Variants in ADAMTSL1 observed in about 807,000 individuals in gnomAD.
ADAMTSL1 encodes ADAMTS like 1.
In ADAMTSL1, 126 loss-of-function variants were observed where a neutral mutation model predicts 201.8. The ratio of observed to expected loss-of-function variants is 0.62; its 90% CI spans 0.54 to 0.72. ADAMTSL1 has a LOEUF of 0.72. ADAMTSL1 is among the 30% of genes least tolerant of loss of function. The pLI, the probability that ADAMTSL1 is intolerant of heterozygous loss-of-function variation, is 0.00. For synonymous variants in ADAMTSL1, 1,121 were observed against 903.4 expected, an observed-to-expected ratio of 1.24 and a Z score of -4.32; for missense variants, 2,679 against 2,277.8, an observed-to-expected ratio of 1.18 and a Z score of -3.59.
intron 3 of ADAMTSL1, among the ~76,000 whole-genome samples, chr9:18,554,480 T>A (rs1820987688): frequency 6.6e-6 from 1 of 151,790 alleles, no homozygotes; most frequent in South Asian, 2.1e-4. Flanking sequence ...GATGTTGGCA[T>A]AGGGTGACCC....
At chr9:18,131,329 G>A (rs1038258630) in intron 1 of ADAMTSL1, among the ~76,000 whole-genome samples, 1 of 152,144 alleles carries the variant, frequency 6.6e-6, no homozygotes, top group Non-Finnish European at 1.5e-5. Context: ...TAGGAAATTT[G>A]TCTTCAAATA....
intron 2 of ADAMTSL1, among the ~76,000 whole-genome samples, chr9:18,225,470 T>C (rs565493877): frequency 6.6e-6 from 1 of 152,314 alleles, no homozygotes; most frequent in East Asian, 1.9e-4. Context: ...AACTTGGTGT[T>C]TCCAAAAAGT....
chr9:18,184,896 C>G (rs752360718), intron 2 of ADAMTSL1, among the ~76,000 whole-genome samples: 11 of 152,272 alleles, frequency 7.2e-5, no homozygotes, highest in Admixed American at 4.6e-4. Flanking sequence ...AACTAACTCA[C>G]GAAAGGCCCT....
intron 2 of ADAMTSL1, among the ~76,000 whole-genome samples, chr9:18,237,834 T>C (rs1177320198): frequency 6.6e-6 from 1 of 152,254 alleles, no homozygotes; most frequent in African/African-American, 2.4e-5. Context: ...CTGTATTTGA[T>C]GCATCCTGTG....
chr9:18,170,946 T>C (rs1274930133), intron 2 of ADAMTSL1, among the ~76,000 whole-genome samples: 1 of 152,106 alleles, frequency 6.6e-6, no homozygotes, highest in East Asian at 1.9e-4. Context: ...CAGGATAGAA[T>C]TATAAATCCT....
At chr9:18,789,685 C>T (rs906973220) in intron 19 of ADAMTSL1, among the ~76,000 whole-genome samples, 2 of 151,848 alleles carry the variant, frequency 1.3e-5, no homozygotes, top group Non-Finnish European at 2.9e-5. Flanking sequence ...GATCAGGAAA[C>T]AGACAGATTC....
chr9:18,494,331 G>T (rs1822416653), intron 1 of ADAMTSL1, among the ~76,000 whole-genome samples: 1 of 151,472 alleles, frequency 6.6e-6, no homozygotes, highest in Non-Finnish European at 1.5e-5. Context: ...ACTCCAGTCT[G>T]GGTGACAGAC....
At chr9:17,970,038 A>T (rs1295013764) in intron 1 of ADAMTSL1, among the ~76,000 whole-genome samples, 2 of 152,096 alleles carry the variant, frequency 1.3e-5, no homozygotes, top group Admixed American at 1.3e-4. Flanking sequence ...AGCCTTGAAC[A>T]CGTGGCTAAT....
At chr9:18,035,962 C>T (rs941874228) in intron 1 of ADAMTSL1, among the ~76,000 whole-genome samples, 1 of 152,116 alleles carries the variant, frequency 6.6e-6, no homozygotes, top group Admixed American at 6.6e-5. Flanking sequence ...GGTCCTTACC[C>T]CCTATCTTGC....
intron 2 of ADAMTSL1, among the ~76,000 whole-genome samples, chr9:18,223,769 G>C (rs199963760): frequency 6.6e-6 from 1 of 151,662 alleles, no homozygotes; most frequent in African/African-American, 2.4e-5. Flanking sequence ...TGCTTCTTTT[G>C]TCTCTCACCC....
rs1326567396 is a variant in ADAMTSL1 at position 18,352,713 on chromosome 9, A to G, written c.208-152116A>G. ...TTTATTCCCTACAGAAAACCATCAG[A>G]TGATTTTATTTTATTTTTTATTAGG... On this transcript the variant is annotated intron_variant, in intron 2 of 29. Coordinates refer to the ADAMTSL1 transcript ENST00000680146. 2.6e-5 allele frequency among the ~76,000 whole-genome samples: 4 copies of G among 152,198 alleles called. No homozygotes were observed. In the East Asian group the frequency reaches 5.8e-4, roughly 22 times the overall value.
At chr9:18,681,699 G>GC (rs1444339305) in intron 11 of ADAMTSL1, 113 bp from the exon 12 acceptor site, 5 of 287,606 alleles carry the variant, frequency 1.7e-5, no homozygotes, top group African/African-American at 6.0e-5. Flanking sequence ...TCCTCGTGTG[G>GC]GGGGGGGGGG....
intron 2 of ADAMTSL1, among the ~76,000 whole-genome samples, chr9:18,445,413 C>T (rs1460008803): frequency 6.6e-6 from 1 of 152,134 alleles, no homozygotes; most frequent in Non-Finnish European, 1.5e-5. Flanking sequence ...TACATTCCTA[C>T]ATACAAAATG....
At chr9:18,406,223 C>A (rs995736889) in intron 2 of ADAMTSL1, among the ~76,000 whole-genome samples, 4 of 152,042 alleles carry the variant, frequency 2.6e-5, no homozygotes, top group Non-Finnish European at 5.9e-5. Context: ...GTGAAGAATA[C>A]CCTATTCAAA....
At chr9:18,506,858 A>C (rs553500999) in intron 2 of ADAMTSL1, among the ~76,000 whole-genome samples, 27 of 152,274 alleles carry the variant, frequency 1.8e-4, no homozygotes, top group African/African-American at 6.3e-4. Context: ...AGGAATTTGA[A>C]GAAGAAAAAA....
intron 14 of ADAMTSL1, among the ~76,000 whole-genome samples, chr9:18,714,727 A>T (rs564619666): frequency 3.5e-4 from 54 of 152,162 alleles, no homozygotes; most frequent in Non-Finnish European, 6.3e-4. Flanking sequence ...AAAAAGAGGG[A>T]ATCCTCCCTA....
At chr9:18,721,736 G>T in intron 15 of ADAMTSL1, 71 bp downstream of exon 15, 2 of 1,553,948 alleles carry the variant, frequency 1.3e-6, no homozygotes, top group Non-Finnish European at 1.7e-6. Context: ...CAGTGGGCAA[G>T]ACTGTAACAC....
intron 16 of ADAMTSL1, among the ~76,000 whole-genome samples, chr9:18,761,672 A>G (rs1467537741): frequency 6.6e-6 from 1 of 152,174 alleles, no homozygotes; most frequent in Non-Finnish European, 1.5e-5. Context: ...TTGCATAAGA[A>G]CTGTTGGCCT....
intron 1 of ADAMTSL1, among the ~76,000 whole-genome samples, chr9:18,474,635 T>C (rs1470764029): frequency 6.6e-6 from 1 of 152,146 alleles, no homozygotes; most frequent in Non-Finnish European, 1.5e-5. Context: ...ACAGACATCC[T>C]GAAATTAAAC....
Sources: allele counts gnomAD v4.1 joint callset (sites outside exome capture counted in the v4.1 genomes callset), GRCh38; gene constraint gnomAD v4.1.1; transcripts MANE v1.5; gene names NCBI Gene and HGNC (gene_info 2026-07-23, HGNC 2026-07-21).